Variants in SLC35F3 observed in about 807,000 individuals in gnomAD.
SLC35F3 encodes putative thiamine transporter SLC35F3.
Under a neutral mutation model 49.9 loss-of-function variants are expected in SLC35F3, and 25 were observed. That is an observed-to-expected ratio of 0.50 (90% CI 0.37 to 0.70). The LOEUF (loss-of-function observed/expected upper bound fraction) is 0.70. Ranked by LOEUF, SLC35F3 falls within the 30% of genes least tolerant of loss-of-function variation. SLC35F3 has a pLI of 0.00. For synonymous variants in SLC35F3, 275 were observed against 265.4 expected (o/e 1.04, Z -0.35); for missense variants, 525 against 639.8 (o/e 0.82, Z 1.94).
chr1:234,225,356 T>C (rs80221013), intron 2 of SLC35F3, among the ~76,000 whole-genome samples: 4 of 133,106 alleles, frequency 3.0e-5, no homozygotes, highest in African/African-American at 1.2e-4. Flanking sequence ...TTTGCAAAAC[T>C]TTTTGGTTTG....
At chr1:234,219,702 C>T (rs1667173725) in intron 2 of SLC35F3, among the ~76,000 whole-genome samples, 1 of 152,202 alleles carries the variant, frequency 6.6e-6, no homozygotes, top group Admixed American at 6.5e-5. Flanking sequence ...CCTTCTTCGC[C>T]AAAATGACCT....
rs1667379289 is a variant in SLC35F3, at chr1:234,231,678, C to T, written c.545C>T (p.Pro182Leu). 3.7e-6 allele frequency: 6 copies of T among 1,614,164 alleles called. No homozygotes were observed. The highest frequency in any genetic ancestry group is 5.1e-6 in the Non-Finnish European group (6 of 1,180,014). The part of the protein sequence containing the change: ...FATNWNFLFF[P>L]LYYVGHVCKS... ...ACCAACTGGAACTTTTTATTCTTCC[C>T]GTTGTACTACGTGGGGCACGTCTGC... The change falls in exon 3 of 8, where the codon CCG becomes CTG. Residue 182 changes from proline to leucine, a missense_variant. By Grantham distance (98) the Pro-to-Leu change is moderately conservative. Coordinates refer to ENST00000366618, the MANE Select transcript of SLC35F3 (RefSeq NM_173508.4). The surrounding 1 kb of genome is among the most constrained non-coding windows in gnomAD (Gnocchi z 5.4).
At chr1:233,975,023 G>C (rs12047995) in intron 2 of SLC35F3, among the ~76,000 whole-genome samples, 59,275 of 152,116 alleles carry the variant, frequency 0.39, 13,191 homozygotes, top group East Asian at 0.76. Context: ...GAAGGTGAGC[G>C]AGGCTGCAAA....
chr1:233,922,129 A>G lies in SLC35F3; in HGVS notation c.283+16371A>G, dbSNP rs111657393. Among the ~76,000 whole-genome samples the G allele has an allele frequency of 5.9e-5, 9 of 152,360 alleles. 1 individual carries two copies. Among genetic ancestry groups the G allele is most frequent in the African/African-American group, 2.2e-4 (9 of 41,574 alleles). On this transcript the variant is annotated intron_variant, in intron 2 of 7. Transcript: ENST00000366618. The stretch of plus-strand genomic sequence containing the variant: ...TGTGTGCATGTGTCTTTAAAGCAGC[A>G]TGATTTATAATCCTTTGGGTATATA...
In SLC35F3 at chr1:234,245,096, A is replaced by G. The variant is rs1179732156; in HGVS notation, c.608+13355A>G. ...AACTGTATGTTTGTCCCCATTAACC[A>G]ACTTCACTTCACTCCTACCCTCTAC... On this transcript the variant is annotated intron_variant, in intron 3 of 7. Coordinates refer to ENST00000366618, the MANE Select transcript of SLC35F3 (RefSeq NM_173508.4). Among the ~76,000 whole-genome samples, 4 of 152,106 alleles carry G rather than the reference A, an allele frequency of 2.6e-5. No individual in the cohort carries two copies. The East Asian group carries it at 7.7e-4, about 29-fold the overall frequency.
chr1:233,999,638 C>T (rs1399488049), intron 2 of SLC35F3, among the ~76,000 whole-genome samples: 1 of 152,112 alleles, frequency 6.6e-6, no homozygotes, highest in Non-Finnish European at 1.5e-5. Context: ...GCCCTGCTCT[C>T]CTGCCTACTG....
At chr1:233,935,838 C>G (rs919100603) in intron 2 of SLC35F3, among the ~76,000 whole-genome samples, 5 of 152,176 alleles carry the variant, frequency 3.3e-5, no homozygotes, top group African/African-American at 1.2e-4. Context: ...TAAAATGTAG[C>G]TGATTCCTTG....
At chr1:234,001,078 G>A (rs998751738) in intron 2 of SLC35F3, among the ~76,000 whole-genome samples, 3 of 152,168 alleles carry the variant, frequency 2.0e-5, no homozygotes, top group East Asian at 1.9e-4. Flanking sequence ...GGCCTGTAAC[G>A]TGCAGCCACA....
intron 3 of SLC35F3, among the ~76,000 whole-genome samples, chr1:234,257,440 T>A (rs974629125): frequency 2.6e-5 from 4 of 152,230 alleles, no homozygotes; most frequent in Admixed American, 6.5e-5. Flanking sequence ...GATTACTGAT[T>A]TGATTTTGTC....
intron 3 of SLC35F3, among the ~76,000 whole-genome samples, chr1:234,269,078 C>T (rs1668057436): frequency 6.6e-6 from 1 of 152,110 alleles, no homozygotes; most frequent in African/African-American, 2.4e-5. Flanking sequence ...TGAAAATGTT[C>T]TAGTTTTTAA....
chr1:233,998,329 T>C (rs1663496301), intron 2 of SLC35F3, among the ~76,000 whole-genome samples: 1 of 152,108 alleles, frequency 6.6e-6, no homozygotes. Flanking sequence ...TGATAGCATC[T>C]AATTATATAA....
chr1:234,069,084 A>AT (rs1553302400), intron 2 of SLC35F3, among the ~76,000 whole-genome samples: 1 of 119,424 alleles, frequency 8.4e-6, no homozygotes, highest in East Asian at 2.2e-4. Flanking sequence ...TATGCAATAT[A>AT]TATTATATAT....
chr1:234,303,523 C>A (rs1668725017), intron 3 of SLC35F3, among the ~76,000 whole-genome samples: 1 of 152,216 alleles, frequency 6.6e-6, no homozygotes, highest in African/African-American at 2.4e-5. Context: ...GCAGCCTGTC[C>A]TCCAGTGGCT....
chr1:234,165,623 CCAT>C (rs1666307323), intron 2 of SLC35F3, among the ~76,000 whole-genome samples: 1 of 152,122 alleles, frequency 6.6e-6, no homozygotes, highest in South Asian at 2.1e-4. Context: ...TGGGCTCAAG[CCAT>C]CCTCCCACCT....
intron 2 of SLC35F3, among the ~76,000 whole-genome samples, chr1:234,039,128 T>C (rs554022517): frequency 7.9e-5 from 12 of 152,268 alleles, no homozygotes; most frequent in Non-Finnish European, 1.5e-4. Context: ...TTAGAAGGTA[T>C]TCGAAGCTCT....
Position 233,904,678 on chromosome 1 carries a change from C to G in SLC35F3, c.-400C>G, listed in dbSNP as rs1307849086. On this transcript the variant is annotated 5_prime_UTR_variant, in exon 1 of 8. Transcript: ENST00000366618. ...CCCGCCTGGCCCCTGTGCGCCCCGA[C>G]CCGACGCCTCCCCGCCCGACCAGGT... is the stretch of plus-strand genomic sequence containing the variant. 6.6e-6 allele frequency among the ~76,000 whole-genome samples: 1 copy of G among 151,800 alleles called. No individual in the cohort carries two copies. The highest frequency in any genetic ancestry group is 2.4e-5 in the African/African-American group (1 of 41,388).
intron 2 of SLC35F3, among the ~76,000 whole-genome samples, chr1:233,968,390 G>A (rs556071498): frequency 1.3e-5 from 2 of 152,194 alleles, no homozygotes; most frequent in Middle Eastern, 3.4e-3. Context: ...GAAAGCATAT[G>A]TGCAAGTTTG....
intron 2 of SLC35F3, among the ~76,000 whole-genome samples, chr1:234,055,075 A>T (rs771125498): frequency 2.6e-5 from 4 of 152,172 alleles, no homozygotes; most frequent in Admixed American, 6.5e-5. Context: ...CCTCCCAGTT[A>T]GACTACTCGG....
chr1:234,081,904 A>ATTTTTTTTTTTT lies in SLC35F3; in HGVS notation c.284-149492_284-149481dup, dbSNP rs781469880. Among the ~76,000 whole-genome samples, 301 of 39,234 alleles carry ATTTTTTTTTTTT rather than the reference A, an allele frequency of 7.7e-3. 50 individuals carry two copies. Among genetic ancestry groups the ATTTTTTTTTTTT allele is most frequent in the South Asian group, 0.01 (7 of 694 alleles). The allele number at this position is 39,234 out of a possible 152,430, so 25.7% of individuals were successfully genotyped here. A position where few individuals can be genotyped will look rare whatever the true frequency, so the allele number is the denominator to read the frequency against. On this transcript the variant is annotated intron_variant, in intron 2 of 7. Coordinates refer to ENST00000366618, the MANE Select transcript of SLC35F3 (RefSeq NM_173508.4). ...AGGCGCCTGCCACCATGCCTGGCTA[A>ATTTTTTTTTTTT]TTTTTTTTTTTTTTTTTTTTTTTTT...
Sources: gnomAD v4.1 joint callset for allele counts (sites outside exome capture counted in the v4.1 genomes callset) on GRCh38, gnomAD v4.1.1 for gene constraint, Gnocchi (gnomAD v3.1) non-coding constraint, MANE v1.5 for transcripts, NCBI Gene and HGNC (gene_info 2026-07-23, HGNC 2026-07-21) for gene names.